Variants in PEBP4 observed in about 807,000 individuals in gnomAD.
The protein encoded by PEBP4 is phosphatidylethanolamine binding protein 4.
Under a neutral mutation model 23.9 loss-of-function variants are expected in PEBP4, and 22 were observed. The ratio of observed to expected loss-of-function variants is 0.92; its 90% confidence interval spans 0.66 to 1.31. The LOEUF (loss-of-function observed/expected upper bound fraction) is 1.31, where lower values mean the gene tolerates loss of function less well. Ranked by LOEUF, PEBP4 falls within the 40% of genes most tolerant of loss-of-function variation. The pLI, the probability that PEBP4 is intolerant of heterozygous loss-of-function variation, is 0.00. For synonymous variants in PEBP4, 112 were observed against 99.3 expected, an observed-to-expected ratio of 1.13 and a Z score of -0.76; for missense variants, 324 against 281.7, an observed-to-expected ratio of 1.15 and a Z score of -1.07.
chr8:22,740,422 C>A (rs1804964342), intron 4 of PEBP4, among the ~76,000 whole-genome samples: 1 of 152,218 alleles, frequency 6.6e-6, no homozygotes, highest in Non-Finnish European at 1.5e-5. Context: ...AATGCAGAAT[C>A]TCTCTCAGGC....
At chr8:22,803,300 T>A (rs1036950650) in intron 4 of PEBP4, among the ~76,000 whole-genome samples, 1 of 152,136 alleles carries the variant, frequency 6.6e-6, no homozygotes, top group Non-Finnish European at 1.5e-5. Context: ...CACGTTCGTA[T>A]CCCACAGCCA....
At chr8:22,827,745 C>T (rs765526505) in intron 3 of PEBP4, among the ~76,000 whole-genome samples, 2 of 152,190 alleles carry the variant, frequency 1.3e-5, no homozygotes, top group African/African-American at 2.4e-5. Context: ...CTTGCTTAGA[C>T]GTCTAGAGTG....
At chr8:22,922,764 G>T (rs960004168) in intron 2 of PEBP4, among the ~76,000 whole-genome samples, 2 of 151,708 alleles carry the variant, frequency 1.3e-5, no homozygotes, top group Non-Finnish European at 2.9e-5. Flanking sequence ...CCTCAAAGGT[G>T]CCACCTTCCT....
chr8:22,920,310 C>G lies in PEBP4; in HGVS notation c.132G>C (p.Gln44His). The G allele has an allele frequency of 6.2e-7, 1 of 1,609,942 alleles. No individual in the cohort carries two copies. Among genetic ancestry groups the G allele is most frequent in the Non-Finnish European group, 8.5e-7 (1 of 1,176,654 alleles). ...ALLDEDTLFC[Q>H]GLEVFYPELG... ...ACTCTGGGTAGAAAACTTCAAGGCC[C>G]CTATGAAGAGAGAGGGGAGGTTGCC... is the stretch of plus-strand genomic sequence containing the variant. Residue 44 changes from glutamine to histidine, a missense_variant and splice_region_variant, in exon 3 of 7, where the codon CAG becomes CAC. Transcript: ENST00000256404.
chr8:22,819,522 G>C (rs1395785599), intron 3 of PEBP4, among the ~76,000 whole-genome samples: 1 of 152,170 alleles, frequency 6.6e-6, no homozygotes, highest in Non-Finnish European at 1.5e-5. Flanking sequence ...TCATAAAAAG[G>C]GAAATTTTGG....
chr8:22,880,271 G>A (rs1808219943), intron 3 of PEBP4, among the ~76,000 whole-genome samples: 1 of 152,178 alleles, frequency 6.6e-6, no homozygotes. Flanking sequence ...TGTGACCTTA[G>A]CCACCTCAAC....
intron 6 of PEBP4, among the ~76,000 whole-genome samples, chr8:22,722,946 T>TA (rs565568917): frequency 8.2e-4 from 125 of 151,750 alleles, no homozygotes; most frequent in African/African-American, 2.9e-3. Context: ...CTAATTTTTT[T>TA]TTTTTTTTGT....
intron 4 of PEBP4, among the ~76,000 whole-genome samples, chr8:22,730,229 T>C (rs1203718770): frequency 6.6e-6 from 1 of 152,228 alleles, no homozygotes; most frequent in Admixed American, 6.5e-5. Context: ...CACCCGATTT[T>C]AGCTCTTCTA....
At chr8:22,841,150 G>A (rs1298816036) in intron 3 of PEBP4, among the ~76,000 whole-genome samples, 2 of 152,252 alleles carry the variant, frequency 1.3e-5, no homozygotes, top group Non-Finnish European at 2.9e-5. Flanking sequence ...GGCTTAGGGA[G>A]AAGACTGAGT....
intron 6 of PEBP4, among the ~76,000 whole-genome samples, chr8:22,719,764 C>A (rs1297664460): frequency 5.9e-5 from 9 of 152,142 alleles, no homozygotes; most frequent in Admixed American, 5.9e-4. Context: ...TGTCCTGCCC[C>A]CTTGACATGG....
At chr8:22,723,525 A>C (rs1804560827) in intron 6 of PEBP4, among the ~76,000 whole-genome samples, 1 of 152,012 alleles carries the variant, frequency 6.6e-6, no homozygotes, top group African/African-American at 2.4e-5. Context: ...GCACTGCTTC[A>C]TTTTATGAGA....
At chr8:22,933,745 T>C (rs1809496231) in intron 1 of PEBP4, among the ~76,000 whole-genome samples, 2 of 152,206 alleles carry the variant, frequency 1.3e-5, no homozygotes, top group African/African-American at 4.8e-5. Flanking sequence ...AAGATCTTTG[T>C]TTGAGGTAAA....
At chr8:22,722,364 C>G (rs1268170282) in intron 6 of PEBP4, among the ~76,000 whole-genome samples, 1 of 152,150 alleles carries the variant, frequency 6.6e-6, no homozygotes, top group Non-Finnish European at 1.5e-5. Flanking sequence ...GAAACTGAGG[C>G]CCAGCGAGGT....
intron 6 of PEBP4, among the ~76,000 whole-genome samples, chr8:22,716,525 C>T (rs990384023): frequency 3.3e-5 from 5 of 152,220 alleles, no homozygotes; most frequent in Admixed American, 3.3e-4. Flanking sequence ...GAGCTTTAGT[C>T]CCAGGGACTG....
upstream of PEBP4, among the ~76,000 whole-genome samples, chr8:22,928,351 C>T (rs7007406): frequency 0.4 from 60,190 of 151,042 alleles, 12,737 homozygotes; most frequent in East Asian, 0.6. Context: ...AGGCCAGCTC[C>T]GAAGGGCCAG....
rs201306654 is a variant in PEBP4 at position 22,795,133 on chromosome 8, A to ATGTG, written c.357+22500_357+22503dup. ...ATTTTATATATATGTGTGTATATAT[A>ATGTG]TGTGTGTGTGTATATATATATATAT... On this transcript the variant is annotated intron_variant, in intron 4 of 6. Coordinates refer to ENST00000256404, the MANE Select transcript of PEBP4 (RefSeq NM_144962.3). 1.8e-3 allele frequency among the ~76,000 whole-genome samples: 209 copies of ATGTG among 115,788 alleles called. 3 individuals carry two copies. The highest frequency in any genetic ancestry group is 6.7e-3 in the African/African-American group (203 of 30,314). 76.0% of individuals were successfully genotyped at this position (115,788 alleles called of 152,430 possible).
intron 3 of PEBP4, among the ~76,000 whole-genome samples, chr8:22,831,792 C>A (rs543738156): frequency 1.3e-5 from 2 of 152,232 alleles, no homozygotes; most frequent in South Asian, 4.1e-4. Context: ...CCATGCCTGG[C>A]AAAGGAAGCA....
rs1453970804 is a variant in PEBP4 at position 22,865,423 on chromosome 8, G to T, written c.259-47688C>A. 6.6e-6 allele frequency among the ~76,000 whole-genome samples: 1 copy of T among 151,892 alleles called. No individual in the cohort carries two copies. Among genetic ancestry groups the T allele is most frequent in the East Asian group, 2.0e-4 (1 of 5,098 alleles). The stretch of plus-strand genomic sequence containing the variant: ...GGGCCTGGCTGCGCGCTCCACCTGC[G>T]CCTCCAGGGCGTTGGGCGGGGGCCG... On this transcript the variant is annotated intron_variant, in intron 3 of 6. Coordinates refer to ENST00000256404, the MANE Select transcript of PEBP4 (RefSeq NM_144962.3). This position sits in a 1 kb window ranked among gnomAD's most constrained non-coding sequence, Gnocchi z 6.9.
At chr8:22,849,787 G>A (rs776448583) in intron 3 of PEBP4, among the ~76,000 whole-genome samples, 4 of 152,186 alleles carry the variant, frequency 2.6e-5, no homozygotes, top group Non-Finnish European at 5.9e-5. Context: ...AAAATCTGAT[G>A]CTTCTGATTC....
Sources: gnomAD v4.1 joint callset for allele counts (sites outside exome capture counted in the v4.1 genomes callset) on GRCh38, gnomAD v4.1.1 for gene constraint, Gnocchi (gnomAD v3.1) non-coding constraint, MANE v1.5 for transcripts, NCBI Gene and HGNC (gene_info 2026-07-23, HGNC 2026-07-21) for gene names.